Variants in IMMT observed in about 807,000 individuals in gnomAD.
IMMT encodes inner membrane mitochondrial protein, also known as MICOS complex subunit MIC60.
IMMT carries 40 observed loss-of-function variants against 92.7 expected under a neutral mutation model. The observed-to-expected ratio is 0.43, with a 90% CI of 0.34 to 0.56. The LOEUF is 0.56. Ranked by LOEUF, IMMT falls within the 20% of genes least tolerant of loss-of-function variation. The probability of loss-of-function intolerance (pLI) is 0.03; values close to 1 mark genes in which losing one functional copy is unlikely to be tolerated. For missense variants in IMMT, 831 were observed against 912.1 expected, an observed-to-expected ratio of 0.91 and a Z score of 1.14; for synonymous variants, 322 against 336.1, an observed-to-expected ratio of 0.96 and a Z score of 0.46.
chr2:86,143,950 C>T lies in IMMT; in HGVS notation c.*318G>A, dbSNP rs958078899. On this transcript the variant is annotated 3_prime_UTR_variant, in exon 15 of 15. Coordinates refer to ENST00000410111, the MANE Select transcript of IMMT (RefSeq NM_006839.3). ...AAGATACTCAGTTTTCATCTTGTTG[C>T]TTTATTCAGTTTGCTCCGAGGGCAA... The T allele has an allele frequency of 5.0e-6, 2 of 398,714 alleles. No homozygotes were observed. Among genetic ancestry groups the T allele is most frequent in the Admixed American group, 4.0e-5 (1 of 24,952 alleles). 24.7% of individuals were successfully genotyped at this position (398,714 alleles called of 1,614,324 possible). A position where few individuals can be genotyped will look rare whatever the true frequency, so the allele number is the denominator to read the frequency against.
At chr2:86,191,847 G>A (rs542995166) in intron 1 of IMMT, among the ~76,000 whole-genome samples, 7 of 151,922 alleles carry the variant, frequency 4.6e-5, no homozygotes, top group Admixed American at 2.6e-4. Context: ...CCCGGGAGGC[G>A]GAGCTTGCAG....
intron 13 of IMMT, 62 bp from the exon 14 acceptor site, chr2:86,146,259 G>A (rs1034591254): frequency 2.8e-6 from 4 of 1,448,024 alleles, no homozygotes; most frequent in Non-Finnish European, 3.8e-6. Flanking sequence ...ATGTAACTGT[G>A]TAATCTTCCA....
intron 14 of IMMT, among the ~76,000 whole-genome samples, chr2:86,145,443 C>T (rs930689014): frequency 1.4e-4 from 18 of 133,320 alleles, no homozygotes; most frequent in South Asian, 4.6e-4. Flanking sequence ...TGCAGTGAGT[C>T]GATATCACAC....
chr2:86,160,695 A>G (rs1187658221), intron 8 of IMMT, among the ~76,000 whole-genome samples: 2 of 152,200 alleles, frequency 1.3e-5, no homozygotes, highest in African/African-American at 4.8e-5. Context: ...ACAGAGGTTG[A>G]TCTTATATCT....
intron 10 of IMMT, among the ~76,000 whole-genome samples, chr2:86,157,797 AAAAAAAG>A (rs1036891997): frequency 7.8e-6 from 1 of 128,452 alleles, no homozygotes; most frequent in Non-Finnish European, 1.8e-5. Context: ...TCAAAAAAAA[AAAAAAAG>A]AAAAAAAAAA....
At chr2:86,152,357 C>G (rs934094029) in intron 11 of IMMT, among the ~76,000 whole-genome samples, 1 of 150,050 alleles carries the variant, frequency 6.7e-6, no homozygotes. Flanking sequence ...AGGAGAATTA[C>G]TTGAACCCAG....
intron 12 of IMMT, among the ~76,000 whole-genome samples, chr2:86,151,010 T>C (rs1401885249): frequency 1.3e-5 from 2 of 151,816 alleles, no homozygotes; most frequent in African/African-American, 4.8e-5. Context: ...TCTGCCTCCC[T>C]GGTTCAAGTG....
At chr2:86,149,390 G>A (rs1466486813) in intron 12 of IMMT, among the ~76,000 whole-genome samples, 1 of 152,194 alleles carries the variant, frequency 6.6e-6, no homozygotes, top group Non-Finnish European at 1.5e-5. Context: ...GAAGCCTTTT[G>A]GGTACTGGTT....
At position 86,195,346 on chromosome 2, in the gene IMMT, C is replaced by T. The variant is rs1214196747; in HGVS notation, c.37G>A (p.Ala13Thr). 1.3e-6 allele frequency: 2 copies of T among 1,548,984 alleles called. No individual in the cohort carries two copies. Among genetic ancestry groups the T allele is most frequent in the Non-Finnish European group, 1.7e-6 (2 of 1,146,104 alleles). ...RACQLSGVTAAAQSCLCGKFV... is the reference protein window; with the variant it reads ...RACQLSGVTATAQSCLCGKFV... Reference sequence around the variant, plus strand: ...GGAGCCCCAGTGCTCACCTGGGCGGCGGCGGTCACACCCGATAACTGACAG... The same window carrying T: ...GGAGCCCCAGTGCTCACCTGGGCGGTGGCGGTCACACCCGATAACTGACAG... Residue 13 changes from alanine to threonine, a missense_variant, in exon 1 of 15, where the codon GCC becomes ACC. Transcript: ENST00000410111.
chr2:86,157,381 AT>A (rs750556907), intron 10 of IMMT, among the ~76,000 whole-genome samples: 1 of 152,178 alleles, frequency 6.6e-6, no homozygotes, highest in Non-Finnish European at 1.5e-5. Context: ...ACTGGTATTT[AT>A]TACCTTCATT....
intron 12 of IMMT, among the ~76,000 whole-genome samples, 197 bp downstream of exon 12, chr2:86,151,098 GAA>G (rs1375474555): frequency 6.6e-6 from 1 of 152,072 alleles, no homozygotes; most frequent in Non-Finnish European, 1.5e-5. Flanking sequence ...TGTATTTTTA[GAA>G]GAGACGGGGG....
At chr2:86,167,095 C>CT (rs1558825699) in intron 6 of IMMT, among the ~76,000 whole-genome samples, 5 of 103,154 alleles carry the variant, frequency 4.8e-5, no homozygotes, top group South Asian at 3.2e-4. Flanking sequence ...GAGACTCTCT[C>CT]AAAAAAAAAA....
In IMMT at chr2:86,144,045, A is replaced by G; in HGVS notation, c.*223T>C. 1.7e-6 allele frequency: 1 copy of G among 598,988 alleles called. No individual in the cohort carries two copies. Among genetic ancestry groups the G allele is most frequent in the Non-Finnish European group, 2.9e-6 (1 of 342,302 alleles). The allele number at this position is 598,988 out of a possible 1,614,324, so 37.1% of individuals were successfully genotyped here. A position where few individuals can be genotyped will look rare whatever the true frequency, so the allele number is the denominator to read the frequency against. The stretch of plus-strand genomic sequence containing the variant: ...ACAAGCCTCATCAGTAAAACCTGAA[A>G]AAACAGAAAATGTTACACAAGTTGC... On this transcript the variant is annotated 3_prime_UTR_variant, in exon 15 of 15. Transcript: ENST00000410111.
chr2:86,144,328 T>A lies in IMMT; in HGVS notation c.2217A>T (p.Glu739Asp), dbSNP rs1211975559. Residue 739 changes from glutamate (E) to aspartate (D), a missense_variant, in exon 15 of 15, where the codon GAA becomes GAT. Glu to Asp is a conservative substitution (Grantham distance 45). Transcript: ENST00000410111. ...CGGCGCTGGCATATGCTGTCAGGAT[T>A]TCCACTATCTGTTTCGTTTCTAGGG... ...RMTLETKQIV[E>D]ILTAYASAVG... is the part of the protein sequence containing the mutation. 6.2e-7 allele frequency: 1 copy of A among 1,613,888 alleles called. No homozygotes were observed. The highest frequency in any genetic ancestry group is 2.2e-5 in the East Asian group (1 of 44,890).
chr2:86,192,869 G>C lies in IMMT; in HGVS notation c.45+2469C>G, dbSNP rs114965074. Among the ~76,000 whole-genome samples the C allele has an allele frequency of 7.7e-3, 1,168 of 152,144 alleles. 21 individuals are homozygous for C. The highest frequency in any genetic ancestry group is 0.026 in the African/African-American group (1,076 of 41,520). The stretch of plus-strand genomic sequence containing the variant: ...TGAAAAGGCAGTGAGGCACATGCTG[G>C]AGATTACCAGGAGAATCTGAGTGAG... On this transcript the variant is annotated intron_variant, in intron 1 of 14. Transcript: ENST00000410111.
chr2:86,169,034 A>G (rs1676914330), intron 6 of IMMT, among the ~76,000 whole-genome samples: 1 of 152,208 alleles, frequency 6.6e-6, no homozygotes, highest in African/African-American at 2.4e-5. Flanking sequence ...CTGTCCTTTG[A>G]TCCTTGATAA....
Position 86,146,177 on chromosome 2 carries a change from A to G in IMMT, c.1554T>C (p.Ser518=). Residue 518 remains serine (S), a synonymous_variant, in exon 14 of 15, where the codon TCT becomes TCC. Coordinates refer to ENST00000410111, the MANE Select transcript of IMMT (RefSeq NM_006839.3). ...GACGACGAAATTGTAATTCTTGTTC[A>G]GAGAGTTTCTCAGACAGGTTCTGAA... ...EFEQNLSEKL[S]EQELQFRRLS... 2 of 1,608,544 alleles carry G rather than the reference A, an allele frequency of 1.2e-6. No individual in the cohort carries two copies. The highest frequency in any genetic ancestry group is 2.2e-5 in the East Asian group (1 of 44,768).
intron 10 of IMMT, among the ~76,000 whole-genome samples, chr2:86,154,955 C>T (rs899854667): frequency 5.3e-5 from 8 of 152,018 alleles, no homozygotes; most frequent in Admixed American, 3.9e-4. Flanking sequence ...CTCCACTGCC[C>T]GGGTTCAAGT....
At chr2:86,160,243 C>T (rs1208193660) in intron 8 of IMMT, among the ~76,000 whole-genome samples, 1 of 152,190 alleles carries the variant, frequency 6.6e-6, no homozygotes, top group African/African-American at 2.4e-5. Context: ...CTCTCATTTC[C>T]TACATGCTTT....
Sources: gnomAD v4.1 joint callset for allele counts (sites outside exome capture counted in the v4.1 genomes callset) on GRCh38, gnomAD v4.1.1 for gene constraint, MANE v1.5 for transcripts, NCBI Gene and HGNC (gene_info 2026-07-23, HGNC 2026-07-21) for gene names.